The following CALR variants were observed in gnomAD, a reference collection of about 807,000 sequenced individuals.
CALR encodes calreticulin, also known as CRP55.
Under a neutral mutation model 51.1 loss-of-function variants are expected in CALR, and 15 were observed. The ratio of observed to expected loss-of-function variants is 0.29; its 90% CI spans 0.20 to 0.45. CALR has a LOEUF of 0.45. CALR is among the 20% of genes least tolerant of loss of function. The probability of loss-of-function intolerance (pLI) is 1.00; values close to 1 mark genes in which losing one functional copy is unlikely to be tolerated. For missense variants in CALR, 477 were observed against 530.6 expected, an observed-to-expected ratio of 0.90 and a Z score of 0.99; for synonymous variants, 239 against 205.9, an observed-to-expected ratio of 1.16 and a Z score of -1.38.
intron 7 of CALR, among the ~76,000 whole-genome samples, chr19:12,941,986 C>T (rs960763300): frequency 6.6e-6 from 1 of 152,142 alleles, no homozygotes; most frequent in African/African-American, 2.4e-5. Flanking sequence ...TCACTTGAGC[C>T]TGGGGCATCG....
Position 12,943,714 on chromosome 19 carries a change from C to T in CALR, c.1055C>T (p.Ala352Val). Residue 352 changes from alanine (A) to valine (V), a missense_variant and splice_region_variant, in exon 9 of 9, where the codon GCA (alanine) becomes GTA (valine). Coordinates refer to ENST00000316448, the MANE Select transcript of CALR (RefSeq NM_004343.4). ...FGNETWGVTK[A>V]AEKQMKDKQD... ...CTGAGGTGTGTGCTCTGCCTGCAGG[C>T]AGCAGAGAAACAAATGAAGGACAAA... 1 of 1,613,980 alleles carries T rather than the reference C, an allele frequency of 6.2e-7. No individual in the cohort carries two copies. Among genetic ancestry groups the T allele is most frequent in the Non-Finnish European group, 8.5e-7 (1 of 1,179,972 alleles).
In CALR at chr19:12,944,157, CA is replaced by C; in HGVS notation, c.*245del. 1 of 601,124 alleles carries C rather than the reference CA, an allele frequency of 1.7e-6. No homozygotes were observed. The highest frequency in any genetic ancestry group is 2.1e-5 in the South Asian group (1 of 48,618). 37.2% of individuals were successfully genotyped at this position (601,124 alleles called of 1,614,324 possible). A position where few individuals can be genotyped will look rare whatever the true frequency, so the allele number is the denominator to read the frequency against. On this transcript the variant is annotated 3_prime_UTR_variant, in exon 9 of 9. Coordinates refer to ENST00000316448, the MANE Select transcript of CALR (RefSeq NM_004343.4). Reference sequence around the variant, plus strand: ...TCCTTCAGCCCTCACCCCTGGTTCTCATCTTTCTTGATCAACATCTTTTCTT... The same window carrying C: ...TCCTTCAGCCCTCACCCCTGGTTCTCTCTTTCTTGATCAACATCTTTTCTT...
chr19:12,940,426 G>T lies in CALR; in HGVS notation c.676G>T (p.Asp226Tyr), dbSNP rs938433963. The T allele has an allele frequency of 6.2e-7, 1 of 1,614,190 alleles. No individual in the cohort carries two copies. Among genetic ancestry groups the T allele is most frequent in the Admixed American group, 1.7e-5 (1 of 60,018 alleles). Reference protein sequence around the residue: ...PEDWDERAKIDDPTDSKPEDW... With the variant: ...PEDWDERAKIYDPTDSKPEDW... ...AGACTGGGATGAGCGGGCCAAGATC[G>T]ATGATCCCACAGACTCCAAGCCTGA... Residue 226 changes from aspartate to tyrosine, a missense_variant, in exon 5 of 9, where the codon GAT becomes TAT. Transcript: ENST00000316448.
rs1353439888 is a variant in CALR at position 12,940,283 on chromosome 19, C to T, written c.533C>T (p.Pro178Leu). The change falls in exon 5 of 9, where the codon CCA (proline) becomes CTA (leucine). Residue 178 changes from proline to leucine, a missense_variant. Transcript: ENST00000316448. ...FTHLYTLIVR[P>L]DNTYEVKIDN... ...CACCTGTACACACTGATTGTGCGGC[C>T]AGACAACACCTATGAGGTGAAGATT... 1.2e-6 allele frequency: 2 copies of T among 1,614,058 alleles called. No homozygotes were observed. Among genetic ancestry groups the T allele is most frequent in the Admixed American group, 1.7e-5 (1 of 59,992 alleles).
Position 12,943,883 on chromosome 19 carries a change from T to C in CALR, c.1224T>C (p.Asp408=). The C allele has an allele frequency of 6.3e-7, 1 of 1,592,982 alleles. No individual in the cohort carries two copies. The highest frequency in any genetic ancestry group is 8.5e-7 in the Non-Finnish European group (1 of 1,170,426). Residue 408 remains aspartate (D), a synonymous_variant, in exon 9 of 9, where the codon GAT becomes GAC. Coordinates refer to ENST00000316448, the MANE Select transcript of CALR (RefSeq NM_004343.4). ...ACAAGGAGGAAGATGAGGAGGAAGA[T>C]GTCCCCGGCCAGGCCAAGGACGAGC... ...EEDKEEDEEE[D]VPGQAKDEL
Position 12,940,426 on chromosome 19 carries a change from G to C in CALR, c.676G>C (p.Asp226His), listed in dbSNP as rs938433963. 2 of 1,614,072 alleles carry C rather than the reference G, an allele frequency of 1.2e-6. No individual in the cohort carries two copies. The highest frequency in any genetic ancestry group is 2.7e-5 in the African/African-American group (2 of 74,932). The change falls in exon 5 of 9, where the codon GAT becomes CAT. Residue 226 changes from aspartate (D) to histidine (H), a missense_variant. Coordinates refer to ENST00000316448, the MANE Select transcript of CALR (RefSeq NM_004343.4). ...AGACTGGGATGAGCGGGCCAAGATC[G>C]ATGATCCCACAGACTCCAAGCCTGA... is the stretch of plus-strand genomic sequence containing the variant. Reference protein sequence around the residue: ...PEDWDERAKIDDPTDSKPEDW... With the variant: ...PEDWDERAKIHDPTDSKPEDW...
rs748845367 is a variant in CALR at position 12,943,841 on chromosome 19, TGAG to T, written c.1188_1190del (p.Glu396del). 55 of 1,573,922 alleles carry T rather than the reference TGAG, an allele frequency of 3.5e-5. No homozygotes were observed. The highest frequency in any genetic ancestry group is 2.7e-4 in the South Asian group (23 of 86,664). On this transcript the variant is annotated inframe_deletion, in exon 9 of 9. Coordinates refer to ENST00000316448, the MANE Select transcript of CALR (RefSeq NM_004343.4). ...AGGATGATGAGGACAAAGATGAGGA[TGAG>T]GAGGATGAGGAGGACAAGGAGGAAG... is the stretch of plus-strand genomic sequence containing the variant.
In CALR at chr19:12,943,645, G is replaced by A; in HGVS notation, c.1053+16G>A. On this transcript the variant is annotated intron_variant, in intron 8 of 8. Transcript: ENST00000316448. ...CGTAACAAAGGTGAGGCCTGGTCCTGGTCCTGATGTCGGGGGCGGGCAGGG... is the reference window on the plus strand; with the variant it reads ...CGTAACAAAGGTGAGGCCTGGTCCTAGTCCTGATGTCGGGGGCGGGCAGGG... The A allele has an allele frequency of 1.2e-6, 2 of 1,614,160 alleles. No homozygotes were observed. The highest frequency in any genetic ancestry group is 1.7e-6 in the Non-Finnish European group (2 of 1,180,030).
chr19:12,940,096 C>T lies in CALR; in HGVS notation c.441C>T (p.Ile147=). 1 of 1,614,168 alleles carries T rather than the reference C, an allele frequency of 6.2e-7. No homozygotes were observed. The change falls in exon 4 of 9, where the codon ATC becomes ATT. Residue 147 remains isoleucine, a synonymous_variant. Transcript: ENST00000316448. ...CTGGCACCAAGAAGGTTCATGTCAT[C>T]TTCAACTACAAGGGCAAGAACGTGC... ...CGPGTKKVHV[I]FNYKGKNVLI... is the part of the protein sequence containing the mutation.
intron 7 of CALR, among the ~76,000 whole-genome samples, chr19:12,941,169 C>T (rs1329198748): frequency 6.6e-6 from 1 of 152,162 alleles, no homozygotes; most frequent in Non-Finnish European, 1.5e-5. Flanking sequence ...TTAGCTGGGG[C>T]TGGGCACAGT....
chr19:12,941,030 C>A, intron 7 of CALR, 143 bp downstream of exon 7: 1 of 789,020 alleles, frequency 1.3e-6, no homozygotes, highest in Non-Finnish European at 2.2e-6. Context: ...TGGTCTGTCC[C>A]TGTGAAGTCC....
In CALR at chr19:12,943,959, G is replaced by T; in HGVS notation, c.*46G>T. 1 of 1,601,706 alleles carries T rather than the reference G, an allele frequency of 6.2e-7. No homozygotes were observed. ...GGACTGAGGCCTGAGCGCTCCTGCC[G>T]CAGAGCTGGCCGCGCCAAATAATGT... On this transcript the variant is annotated 3_prime_UTR_variant, in exon 9 of 9. Transcript: ENST00000316448.
rs200486676 is a variant in CALR, at chr19:12,940,398, G to C, written c.648G>C (p.Pro216=). ...KKIKDPDASK[P]EDWDERAKID... is the part of the protein sequence containing the mutation. ...TAAAGGATCCTGATGCTTCAAAACC[G>C]GAAGACTGGGATGAGCGGGCCAAGA... The change falls in exon 5 of 9, where the codon CCG becomes CCC. Residue 216 remains proline (P), a synonymous_variant. Transcript: ENST00000316448. The C allele has an allele frequency of 1.0e-4, 168 of 1,614,158 alleles. 1 individual carries two copies. The South Asian group carries it at 1.7e-3, about 17-fold the overall frequency.
At position 12,940,853 on chromosome 19, in the gene CALR, A is replaced by G. The variant is rs1364364542; in HGVS notation, c.926A>G (p.Asp309Gly). ...YSPDPSIYAY[D>G]NFGVLGLDLW... is the part of the protein sequence containing the mutation. ...CCCGATCCCAGTATCTATGCCTATG[A>G]TAACTTTGGCGTGCTGGGCCTGGAC... The change falls in exon 7 of 9, where the codon GAT (aspartate) becomes GGT (glycine). Residue 309 changes from aspartate (D) to glycine (G), a missense_variant. Physicochemically the swap from Asp to Gly is moderately conservative, Grantham distance 94 (BLOSUM62 -1). Transcript: ENST00000316448. 2 of 1,614,130 alleles carry G rather than the reference A, an allele frequency of 1.2e-6. No homozygotes were observed. Among genetic ancestry groups the G allele is most frequent in the East Asian group, 4.5e-5 (2 of 44,884 alleles).
intron 7 of CALR, among the ~76,000 whole-genome samples, chr19:12,941,282 C>A (rs1212274760): frequency 6.6e-5 from 10 of 151,908 alleles, no homozygotes. Flanking sequence ...AGCGAGGAGA[C>A]CCTATCTCTA....
Position 12,940,566 on chromosome 19 carries a change from C to T in CALR, c.728C>T (p.Pro243Leu), listed in dbSNP as rs559703788. The change falls in exon 6 of 9, where the codon CCT (proline) becomes CTT (leucine). Residue 243 changes from proline to leucine, a missense_variant. Coordinates refer to ENST00000316448, the MANE Select transcript of CALR (RefSeq NM_004343.4). ...GACTGGGACAAGCCCGAGCATATCC[C>T]TGACCCTGATGCTAAGAAGCCCGAG... The part of the protein sequence containing the change: ...PEDWDKPEHI[P>L]DPDAKKPEDW... 3.5e-5 allele frequency: 57 copies of T among 1,614,186 alleles called. No homozygotes were observed. In the East Asian group the frequency reaches 1.1e-3, roughly 32 times the overall value.
rs1328767759 is a variant in CALR at position 12,939,463 on chromosome 19, C to T, written c.229C>T (p.Leu77=). ...AAGCCAGGATGCACGCTTTTATGCT[C>T]TGTCGGCCAGTTTCGAGCCTTTCAG... ...QTSQDARFYA[L]SASFEPFSNK... is the part of the protein sequence containing the mutation. Residue 77 remains leucine (L), a synonymous_variant, in exon 3 of 9, where the codon CTG becomes TTG. Transcript: ENST00000316448. The T allele has an allele frequency of 4.3e-6, 7 of 1,612,544 alleles. No individual in the cohort carries two copies. The highest frequency in any genetic ancestry group is 5.9e-6 in the Non-Finnish European group (7 of 1,180,014).
intron 6 of CALR, 33 bp downstream of exon 6, chr19:12,940,687 C>T (rs1430026441): frequency 6.2e-7 from 1 of 1,614,012 alleles, no homozygotes; most frequent in Admixed American, 1.7e-5. Flanking sequence ...GGCTGGGGCT[C>T]ACAGTGGGGA....
chr19:12,942,579 C>A (rs1181481788), intron 7 of CALR, among the ~76,000 whole-genome samples: 1 of 151,182 alleles, frequency 6.6e-6, no homozygotes, highest in Non-Finnish European at 1.5e-5. Flanking sequence ...AGTACAGCAC[C>A]TGAGTCTCTC....
Sources: gnomAD v4.1 joint callset for allele counts (sites outside exome capture counted in the v4.1 genomes callset) on GRCh38, gnomAD v4.1.1 for gene constraint, MANE v1.5 for transcripts, NCBI Gene and HGNC (gene_info 2026-07-23, HGNC 2026-07-21) for gene names.